TGOLN2: variants seen among roughly 807,000 people sequenced by gnomAD.
The protein encoded by TGOLN2 is trans-Golgi network integral membrane protein 2.
A neutral mutation model predicts 31.3 loss-of-function variants in TGOLN2; 19 were observed. The ratio of observed to expected loss-of-function variants is 0.61; its 90% CI spans 0.42 to 0.89. TGOLN2 has a LOEUF of 0.89. Among genes scored for constraint, TGOLN2 ranks in the 40% least tolerant of loss-of-function variants. The pLI is 0.00. For missense variants in TGOLN2, 540 were observed against 559.2 expected (o/e 0.97, Z 0.35); for synonymous variants, 222 against 226.7 (o/e 0.98, Z 0.19).
In TGOLN2 at chr2:85,326,898, A is replaced by G; in HGVS notation, c.834T>C (p.Ala278=). ...CTTTGTCAGCAAGCTGGTTTGTGTC[A>G]GCCTTGGGGAGCTCCTTGTTATCAG... is the stretch of plus-strand genomic sequence containing the variant. ...NPSDNKELPK[A]DTNQLADKGK... Residue 278 remains alanine, a synonymous_variant, in exon 2 of 4, where the codon GCT becomes GCC. Coordinates refer to ENST00000377386, the MANE Select transcript of TGOLN2 (RefSeq NM_006464.4). 1 of 1,614,000 alleles carries G rather than the reference A, an allele frequency of 6.2e-7. No individual in the cohort carries two copies. The highest frequency in any genetic ancestry group is 8.5e-7 in the Non-Finnish European group (1 of 1,179,894).
At position 85,327,989 on chromosome 2, in the gene TGOLN2, T is replaced by C; in HGVS notation, c.-27A>G. On this transcript the variant is annotated 5_prime_UTR_variant, in exon 1 of 4. Coordinates refer to ENST00000377386, the MANE Select transcript of TGOLN2 (RefSeq NM_006464.4). ...CTGCTCGGATAGCGCTTCCGCCCTC[T>C]AATGCTCTCGCGAGATCCGCGCGCG... 6.4e-7 allele frequency: 1 copy of C among 1,569,788 alleles called. No individual in the cohort carries two copies. The highest frequency in any genetic ancestry group is 8.6e-7 in the Non-Finnish European group (1 of 1,157,828).
chr2:85,324,873 T>A, intron 3 of TGOLN2, 42 bp downstream of exon 3: 1 of 1,529,532 alleles, frequency 6.5e-7, no homozygotes, highest in Non-Finnish European at 8.9e-7. Context: ...ACGTTGCCTA[T>A]CCCTCCTATC....
rs575904158 is a variant in TGOLN2, at chr2:85,321,242, T to C, written c.*1494A>G. 6.5e-6 allele frequency: 1 copy of C among 152,690 alleles called. No individual in the cohort carries two copies. The highest frequency in any genetic ancestry group is 6.5e-5 in the Admixed American group (1 of 15,304). 9.5% of individuals were successfully genotyped at this position (152,690 alleles called of 1,614,324 possible). A position where few individuals can be genotyped will look rare whatever the true frequency, so the allele number is the denominator to read the frequency against. On this transcript the variant is annotated 3_prime_UTR_variant, in exon 4 of 4. Coordinates refer to ENST00000377386, the MANE Select transcript of TGOLN2 (RefSeq NM_006464.4). Reference sequence around the variant, plus strand: ...AAGTATTATAAGACTAACGCATCAGTACAGAGAATGACCCAAGAAGGGTAG... The same window carrying C: ...AAGTATTATAAGACTAACGCATCAGCACAGAGAATGACCCAAGAAGGGTAG...
At chr2:85,325,051 T>A (rs961157860) in intron 2 of TGOLN2, 53 bp from the exon 3 acceptor site, 1 of 1,526,756 alleles carries the variant, frequency 6.5e-7, no homozygotes, top group Non-Finnish European at 8.9e-7. Flanking sequence ...ATGACATAGT[T>A]CAGTCTCTGA....
At chr2:85,324,788 G>T in intron 3 of TGOLN2, 127 bp downstream of exon 3, 1 of 817,376 alleles carries the variant, frequency 1.2e-6, no homozygotes, top group Non-Finnish European at 2.1e-6. Flanking sequence ...GAATGCAACA[G>T]CAACAGCAAC....
chr2:85,327,779 G>C (rs189990619), intron 1 of TGOLN2, 94 bp from the exon 2 acceptor site: 5 of 1,480,970 alleles, frequency 3.4e-6, no homozygotes, highest in Non-Finnish European at 4.6e-6. Context: ...GGGGGAATGG[G>C]GATTGGGGGG....
chr2:85,327,949 A>G lies in TGOLN2; in HGVS notation c.14T>C (p.Val5Ala). The G allele has an allele frequency of 1.2e-6, 2 of 1,600,262 alleles. No homozygotes were observed. Among genetic ancestry groups the G allele is most frequent in the Non-Finnish European group, 1.7e-6 (2 of 1,173,912 alleles). Reference protein sequence around the residue: MRFVVALVLLNVAAA... With the variant: MRFVAALVLLNVAAA... ...TGCGACGTTCAGGAGGACCAAGGCAACCACGAACCGCATCCTGCTCGGATA... is the reference window on the plus strand; with the variant it reads ...TGCGACGTTCAGGAGGACCAAGGCAGCCACGAACCGCATCCTGCTCGGATA... The change falls in exon 1 of 4, where the codon GTT becomes GCT. Residue 5 changes from valine to alanine, a missense_variant. By Grantham distance (64) the Val-to-Ala change is moderately conservative. Coordinates refer to ENST00000377386, the MANE Select transcript of TGOLN2 (RefSeq NM_006464.4).
At position 85,326,644 on chromosome 2, in the gene TGOLN2, G is replaced by A. The variant is rs1682741519; in HGVS notation, c.1088C>T (p.Thr363Met). 6.2e-7 allele frequency: 1 copy of A among 1,613,878 alleles called. No individual in the cohort carries two copies. The highest frequency in any genetic ancestry group is 1.7e-5 in the Admixed American group (1 of 60,000). The change falls in exon 2 of 4, where the codon ACG becomes ATG. Residue 363 changes from threonine (T) to methionine (M), a missense_variant. By Grantham distance (81) the Thr-to-Met change is moderately conservative. Coordinates refer to ENST00000377386, the MANE Select transcript of TGOLN2 (RefSeq NM_006464.4). Reference sequence around the variant, plus strand: ...ATAAAGGTCATCCTTCTCGCTACCCGTGGAATCCGAAAGTGTCCCTTCACG... The same window carrying A: ...ATAAAGGTCATCCTTCTCGCTACCCATGGAATCCGAAAGTGTCCCTTCACG... ...ENREGTLSDS[T>M]GSEKDDLYPN... is the part of the protein sequence containing the mutation.
At chr2:85,324,764 T>A in intron 3 of TGOLN2, 151 bp downstream of exon 3, 1 of 701,396 alleles carries the variant, frequency 1.4e-6, no homozygotes, top group Admixed American at 2.3e-5. Context: ...TCTAGTTTGT[T>A]GTCTAAAAAG....
intron 3 of TGOLN2, chr2:85,324,696 T>C (rs1682671134): frequency 3.3e-6 from 2 of 599,042 alleles, no homozygotes; most frequent in Admixed American, 3.0e-5. Flanking sequence ...GTAGCTGCTG[T>C]AGAGTATTCC....
At chr2:85,326,253 A>T (rs1289033130) in intron 2 of TGOLN2, among the ~76,000 whole-genome samples, 1 of 152,256 alleles carries the variant, frequency 6.6e-6, no homozygotes, top group Non-Finnish European at 1.5e-5. Flanking sequence ...ATTCCAAGTC[A>T]GGTCAGATCC....
At position 85,327,951 on chromosome 2, in the gene TGOLN2, C is replaced by A; in HGVS notation, c.12G>T (p.Val4=). 1 of 1,599,146 alleles carries A rather than the reference C, an allele frequency of 6.3e-7. No individual in the cohort carries two copies. Among genetic ancestry groups the A allele is most frequent in the Non-Finnish European group, 8.5e-7 (1 of 1,173,408 alleles). MRF[V]VALVLLNVAA... ...CGACGTTCAGGAGGACCAAGGCAACCACGAACCGCATCCTGCTCGGATAGC... is the reference window on the plus strand; with the variant it reads ...CGACGTTCAGGAGGACCAAGGCAACAACGAACCGCATCCTGCTCGGATAGC... The change falls in exon 1 of 4, where the codon GTG becomes GTT. Residue 4 remains valine (V), a synonymous_variant. Transcript: ENST00000377386.
In TGOLN2 at chr2:85,326,421, G is replaced by A. The variant is rs866203834; in HGVS notation, c.1224+87C>T. On this transcript the variant is annotated intron_variant, in intron 2 of 3. Coordinates refer to ENST00000377386, the MANE Select transcript of TGOLN2 (RefSeq NM_006464.4). ...GTTTTAAAGTCCCCAGTGCTCACGG[G>A]CATCTAGTGACGGGATACCCACCCA... 27 of 1,317,472 alleles carry A rather than the reference G, an allele frequency of 2.0e-5. 1 individual carries two copies. Among genetic ancestry groups the A allele is most frequent in the Middle Eastern group, 1.9e-4 (1 of 5,208 alleles). 81.6% of individuals were successfully genotyped at this position (1,317,472 alleles called of 1,614,324 possible).
At chr2:85,323,716 T>C (rs775438725) in intron 3 of TGOLN2, among the ~76,000 whole-genome samples, 37 of 152,226 alleles carry the variant, frequency 2.4e-4, no homozygotes, top group Non-Finnish European at 4.4e-4. Context: ...GTAGCTAATA[T>C]TGAGTTGTGC....
chr2:85,322,536 C>A lies in TGOLN2; in HGVS notation c.*200G>T. ...TGCAAAGCCCAAAGCAGCCCCCTAC[C>A]TCTGCCAGCCCAGACCCGCCACTAA... On this transcript the variant is annotated 3_prime_UTR_variant, in exon 4 of 4. Coordinates refer to ENST00000377386, the MANE Select transcript of TGOLN2 (RefSeq NM_006464.4). The A allele has an allele frequency of 8.8e-7, 1 of 1,138,826 alleles. No individual in the cohort carries two copies. The highest frequency in any genetic ancestry group is 2.9e-5 in the Admixed American group (1 of 34,210). The allele number at this position is 1,138,826 out of a possible 1,614,324, so 70.5% of individuals were successfully genotyped here. A position where few individuals can be genotyped will look rare whatever the true frequency, so the allele number is the denominator to read the frequency against.
chr2:85,327,126 G>A lies in TGOLN2; in HGVS notation c.606C>T (p.Thr202=), dbSNP rs763768776. The A allele has an allele frequency of 1.2e-6, 2 of 1,613,710 alleles. 1 individual carries two copies. Among genetic ancestry groups the A allele is most frequent in the South Asian group, 2.2e-5 (2 of 91,072 alleles). ...CCGACTTGTTAGGGACGTCTTTTGG[G>A]GTCTGATCCTCCGCACCCGACTTGC... ...GSSKSGAEDQ[T]PKDVPNKSGA... is the part of the protein sequence containing the mutation. The change falls in exon 2 of 4, where the codon ACC becomes ACT. Residue 202 remains threonine, a synonymous_variant. Coordinates refer to ENST00000377386, the MANE Select transcript of TGOLN2 (RefSeq NM_006464.4).
chr2:85,327,945 G>T lies in TGOLN2; in HGVS notation c.18C>A (p.Ala6=), dbSNP rs1044958. Residue 6 remains alanine, a synonymous_variant, in exon 1 of 4, where the codon GCC becomes GCA. Transcript: ENST00000377386. Reference sequence around the variant, plus strand: ...CCGCTGCGACGTTCAGGAGGACCAAGGCAACCACGAACCGCATCCTGCTCG... The same window carrying T: ...CCGCTGCGACGTTCAGGAGGACCAATGCAACCACGAACCGCATCCTGCTCG... MRFVV[A]LVLLNVAAAG... 1 of 1,601,808 alleles carries T rather than the reference G, an allele frequency of 6.2e-7. No individual in the cohort carries two copies. Among genetic ancestry groups the T allele is most frequent in the East Asian group, 2.3e-5 (1 of 44,422 alleles).
intron 3 of TGOLN2, among the ~76,000 whole-genome samples, chr2:85,323,804 G>A (rs757085173): frequency 2.6e-5 from 4 of 152,230 alleles, no homozygotes; most frequent in Non-Finnish European, 5.9e-5. Flanking sequence ...CAATGTCCTG[G>A]CTGTTGCTAT....
chr2:85,324,527 G>A (rs1682662066), intron 3 of TGOLN2: 1 of 302,566 alleles, frequency 3.3e-6, no homozygotes, highest in African/African-American at 2.2e-5. Flanking sequence ...GCCTATTAAA[G>A]TTTATGGAGC....
Sources: gnomAD v4.1 joint callset for allele counts (sites outside exome capture counted in the v4.1 genomes callset) on GRCh38, gnomAD v4.1.1 for gene constraint, MANE v1.5 for transcripts, NCBI Gene and HGNC (gene_info 2026-07-23, HGNC 2026-07-21) for gene names.